CSNK1G3: variants seen among roughly 807,000 people sequenced by gnomAD.
CSNK1G3 encodes the protein casein kinase 1 gamma 3, also known as casein kinase I isoform gamma-3.
A neutral mutation model predicts 64.3 loss-of-function variants in CSNK1G3; 23 were observed. That is an observed-to-expected ratio of 0.36 (90% CI 0.26 to 0.51). The LOEUF is 0.51. Ranked by LOEUF, CSNK1G3 falls within the 20% of genes least tolerant of loss-of-function variation. CSNK1G3 has a pLI of 0.96. For synonymous variants in CSNK1G3, 158 were observed against 162.2 expected, an observed-to-expected ratio of 0.97 and a Z score of 0.20; for missense variants, 357 against 510.5, an observed-to-expected ratio of 0.70 and a Z score of 2.90.
At chr5:123,590,445 C>T (rs577296956) in exon 9 of CSNK1G3, 1 of 1,504,754 alleles carries the variant, frequency 6.6e-7, no homozygotes, top group Admixed American at 2.4e-5. Flanking sequence ...TGTAAGAAGG[C>T]TAGATTTTTT....
At chr5:123,611,646 A>G (rs1796360162) in intron 12 of CSNK1G3, among the ~76,000 whole-genome samples, 1 of 152,256 alleles carries the variant, frequency 6.6e-6, no homozygotes, top group African/African-American at 2.4e-5. Context: ...GTATTACATT[A>G]AATTGCCCAT....
intron 2 of CSNK1G3, among the ~76,000 whole-genome samples, chr5:123,548,317 G>A (rs947793728): frequency 5.9e-5 from 9 of 151,984 alleles, no homozygotes; most frequent in African/African-American, 1.9e-4. Context: ...AAATTAGCCA[G>A]GTGTGATGGT....
In CSNK1G3 at chr5:123,517,431, A is replaced by G. The variant is rs149346458; in HGVS notation, c.-248+4861A>G. ...ACTCTGAAGATAAAAAGGCGTTTGTATGAGAACCAATTGGCTACTTTGAAA... is the reference window on the plus strand; with the variant it reads ...ACTCTGAAGATAAAAAGGCGTTTGTGTGAGAACCAATTGGCTACTTTGAAA... On this transcript the variant is annotated intron_variant, in intron 1 of 12. Transcript: ENST00000345990. 3.1e-3 allele frequency among the ~76,000 whole-genome samples: 475 copies of G among 152,322 alleles called. 7 individuals carry two copies. Among genetic ancestry groups the G allele is most frequent in the African/African-American group, 0.011 (460 of 41,572 alleles).
chr5:123,572,755 T>C (rs1561546336), intron 4 of CSNK1G3, among the ~76,000 whole-genome samples: 2 of 152,240 alleles, frequency 1.3e-5, no homozygotes, highest in Admixed American at 1.3e-4. Context: ...CTGTTTCCAA[T>C]ATCTCTGACT....
intron 10 of CSNK1G3, among the ~76,000 whole-genome samples, chr5:123,602,163 A>G (rs1349470439): frequency 6.6e-6 from 1 of 152,154 alleles, no homozygotes; most frequent in Non-Finnish European, 1.5e-5. Context: ...TTTTCTTTAG[A>G]TTGCCTTTGA....
In CSNK1G3 at chr5:123,590,395, T is replaced by C; in HGVS notation, c.845-18T>C. The C allele has an allele frequency of 7.6e-7, 1 of 1,307,380 alleles. No individual in the cohort carries two copies. Among genetic ancestry groups the C allele is most frequent in the South Asian group, 1.7e-5 (1 of 59,390 alleles). The allele number at this position is 1,307,380 out of a possible 1,614,324, so 81.0% of individuals were successfully genotyped here. On this transcript the variant is annotated intron_variant, in intron 8 of 12. Coordinates refer to ENST00000345990, the Ensembl canonical transcript of CSNK1G3. ...AAGAAAAGTATAGTCCAAATAATTT[T>C]TATATTATTTCTAGAAGAAATGGCA...
Position 123,581,884 on chromosome 5 carries a change from A to G in CSNK1G3, c.673+5921A>G, listed in dbSNP as rs1237947882. ...GATAATTTTTATCTTTTTTTTACTT[A>G]TAAGAAATGATTTAAACTTTATTCA... On this transcript the variant is annotated intron_variant, in intron 6 of 12. Transcript: ENST00000345990. Among the ~76,000 whole-genome samples the G allele has an allele frequency of 1.1e-4, 16 of 151,956 alleles. No individual in the cohort carries two copies. In the South Asian group the frequency reaches 2.9e-3, roughly 28 times the overall value.
intron 2 of CSNK1G3, among the ~76,000 whole-genome samples, chr5:123,550,378 T>C (rs993426005): frequency 5.3e-5 from 8 of 152,144 alleles, no homozygotes; most frequent in African/African-American, 1.9e-4. Flanking sequence ...ATACATTCCT[T>C]TCTGGAAGTG....
intron 1 of CSNK1G3, among the ~76,000 whole-genome samples, chr5:123,535,478 T>C (rs1780642780): frequency 1.3e-5 from 2 of 152,070 alleles, no homozygotes; most frequent in African/African-American, 4.8e-5. Flanking sequence ...ATAGGTGCTA[T>C]GGTAGGGAAA....
chr5:123,604,768 C>T (rs774105862), exon 11 of CSNK1G3: 18 of 1,611,594 alleles, frequency 1.1e-5, no homozygotes, highest in Middle Eastern at 1.6e-4. Flanking sequence ...ATGACCCCAC[C>T]GCAGGACGTT....
intron 12 of CSNK1G3, among the ~76,000 whole-genome samples, chr5:123,608,053 C>G (rs905700464): frequency 3.3e-5 from 5 of 152,094 alleles, no homozygotes; most frequent in South Asian, 2.1e-4. Flanking sequence ...CCCCAGCCCC[C>G]CCAGTAGGTG....
chr5:123,615,902 A>G (rs1190466284), exon 13 of CSNK1G3: 1 of 151,992 alleles, frequency 6.6e-6, no homozygotes, highest in African/African-American at 2.4e-5. Context: ...GATGTATATT[A>G]AAGTAAAGCT....
intron 1 of CSNK1G3, among the ~76,000 whole-genome samples, chr5:123,532,412 T>C (rs1780084158): frequency 6.6e-6 from 1 of 151,920 alleles, no homozygotes; most frequent in African/African-American, 2.4e-5. Context: ...AGTGCTGATA[T>C]TACTTAAGTT....
chr5:123,517,037 A>T (rs1223514181), intron 1 of CSNK1G3, among the ~76,000 whole-genome samples: 2 of 152,208 alleles, frequency 1.3e-5, no homozygotes, highest in African/African-American at 4.8e-5. Context: ...GATGCCTGCC[A>T]CATAGTAGGC....
intron 11 of CSNK1G3, 98 bp from the exon 13 acceptor site, chr5:123,605,241 A>T: frequency 1.9e-6 from 2 of 1,078,440 alleles, no homozygotes; most frequent in Non-Finnish European, 2.7e-6. Context: ...GGAAAAAATT[A>T]AGCATGAAAA....
intron 10 of CSNK1G3, among the ~76,000 whole-genome samples, chr5:123,600,924 TTAAAA>T (rs1794392354): frequency 6.6e-6 from 1 of 151,940 alleles, no homozygotes; most frequent in African/African-American, 2.4e-5. Flanking sequence ...TTTTATCTTC[TTAAAA>T]TAAGAACCGT....
In CSNK1G3 at chr5:123,573,378, T is replaced by C. The variant is rs1561547511; in HGVS notation, c.290-15T>C. Reference sequence around the variant, plus strand: ...AGATGATGAAATTATTAAATGAGTATTTCTTTTCCCCCAGATGGTATACCT... The same window carrying C: ...AGATGATGAAATTATTAAATGAGTACTTCTTTTCCCCCAGATGGTATACCT... On this transcript the variant is annotated splice_polypyrimidine_tract_variant and intron_variant, in intron 4 of 12. Transcript: ENST00000345990. 6.2e-7 allele frequency: 1 copy of C among 1,611,788 alleles called. No homozygotes were observed. Among genetic ancestry groups the C allele is most frequent in the South Asian group, 1.1e-5 (1 of 90,950 alleles).
At chr5:123,596,843 C>G (rs1181347306) in intron 10 of CSNK1G3, among the ~76,000 whole-genome samples, 2 of 152,072 alleles carry the variant, frequency 1.3e-5, no homozygotes, top group Non-Finnish European at 2.9e-5. Context: ...TTAACTGACA[C>G]ATGATATGAT....
chr5:123,525,239 G>GATT (rs1039181548), intron 1 of CSNK1G3, among the ~76,000 whole-genome samples: 5 of 151,316 alleles, frequency 3.3e-5, no homozygotes, highest in Non-Finnish European at 5.9e-5. Context: ...TTTTAATTAG[G>GATT]GAGAATGTTA....
Sources: allele counts gnomAD v4.1 joint callset (sites outside exome capture counted in the v4.1 genomes callset), GRCh38; gene constraint gnomAD v4.1.1; transcripts MANE v1.5; gene names NCBI Gene and HGNC (gene_info 2026-07-23, HGNC 2026-07-21).